Variants in EML6 observed in about 807,000 individuals in gnomAD.
EML6 encodes echinoderm microtubule-associated protein-like 6.
EML6 carries 154 observed loss-of-function variants against 240.1 expected under a neutral mutation model. The ratio of observed to expected loss-of-function variants is 0.64; its 90% confidence interval spans 0.56 to 0.73. The LOEUF (loss-of-function observed/expected upper bound fraction) is 0.73, where lower values mean the gene tolerates loss of function less well. Ranked by LOEUF, EML6 falls within the 30% of genes least tolerant of loss-of-function variation. The probability of loss-of-function intolerance (pLI) is 0.00; values close to 1 mark genes in which losing one functional copy is unlikely to be tolerated. For missense variants in EML6, 2,964 were observed against 2,474.6 expected, an observed-to-expected ratio of 1.20 and a Z score of -4.20; for synonymous variants, 1,148 against 899.0, an observed-to-expected ratio of 1.28 and a Z score of -4.95.
chr2:54,808,377 C>T (rs1670607649), intron 2 of EML6, among the ~76,000 whole-genome samples: 1 of 152,202 alleles, frequency 6.6e-6, no homozygotes, highest in Non-Finnish European at 1.5e-5. Flanking sequence ...ATCCCCAAAG[C>T]AGCAACCTCC....
chr2:54,961,184 G>GTTGTTTTGTTTTTTTTTTTTTTT, intron 35 of EML6, among the ~76,000 whole-genome samples: 1 of 55,424 alleles, frequency 1.8e-5, no homozygotes. Context: ...TCAGGAAGTA[G>GTTGTTTTGTTTTTTTTTTTTTTT]TTTTTTTTTT....
At chr2:54,968,385 T>G in intron 40 of EML6, 104 bp downstream of exon 40, 2 of 1,115,290 alleles carry the variant, frequency 1.8e-6, no homozygotes. Flanking sequence ...AGAGAAACCC[T>G]GTCCCGGTAC....
chr2:54,769,489 A>C (rs1424585501), intron 2 of EML6, among the ~76,000 whole-genome samples: 2 of 152,220 alleles, frequency 1.3e-5, no homozygotes, highest in Non-Finnish European at 2.9e-5. Flanking sequence ...CTACTGAAGC[A>C]TATACATTTA....
intron 25 of EML6, among the ~76,000 whole-genome samples, chr2:54,915,563 C>T (rs1673866365): frequency 6.6e-6 from 1 of 152,026 alleles, no homozygotes; most frequent in Non-Finnish European, 1.5e-5. Flanking sequence ...GCCCCCAAGT[C>T]ACAGGACCAG....
Position 54,820,391 on chromosome 2 carries a change from C to G in EML6, c.457-3C>G. ...ACATGGCAACTTTTAATGTTTTGAA[C>G]AGATTTTTGATATTTCCTGGGATCC... is the stretch of plus-strand genomic sequence containing the variant. On this transcript the variant is annotated splice_polypyrimidine_tract_variant and splice_region_variant and intron_variant, in intron 4 of 41. Transcript: ENST00000356458. 6.5e-7 allele frequency: 1 copy of G among 1,545,892 alleles called. No individual in the cohort carries two copies. The highest frequency in any genetic ancestry group is 8.7e-7 in the Non-Finnish European group (1 of 1,142,874).
At chr2:54,834,180 A>G (rs1216672438) in intron 7 of EML6, among the ~76,000 whole-genome samples, 1 of 152,146 alleles carries the variant, frequency 6.6e-6, no homozygotes, top group Non-Finnish European at 1.5e-5. Context: ...CCCTCACTTC[A>G]TGGATGGTAC....
At chr2:54,962,240 G>A (rs1676554127) in intron 35 of EML6, among the ~76,000 whole-genome samples, 1 of 151,636 alleles carries the variant, frequency 6.6e-6, no homozygotes, top group African/African-American at 2.4e-5. Context: ...TTTAACTGTG[G>A]CCAAATAGAC....
Position 54,859,606 on chromosome 2 carries a change from G to C in EML6, c.1730G>C (p.Trp577Ser). The C allele has an allele frequency of 6.4e-7, 1 of 1,551,362 alleles. No homozygotes were observed. The highest frequency in any genetic ancestry group is 1.2e-5 in the South Asian group (1 of 84,006). Reference protein sequence around the residue: ...TNVRWSHDFQWVLSTGGADHS... With the variant: ...TNVRWSHDFQSVLSTGGADHS... ...GTCCGCTGGTCCCATGACTTTCAGT[G>C]GGTGTTGAGCACAGGAGGGGCTGAT... The change falls in exon 12 of 42, where the codon TGG becomes TCG. Residue 577 changes from tryptophan (W) to serine (S), a missense_variant. Coordinates refer to ENST00000356458, the MANE Select transcript of EML6 (RefSeq NM_001039753.4).
At chr2:54,778,281 T>C (rs1668685622) in intron 2 of EML6, among the ~76,000 whole-genome samples, 1 of 152,228 alleles carries the variant, frequency 6.6e-6, no homozygotes, top group Admixed American at 6.5e-5. Context: ...TTAAAGCTTA[T>C]TAAATGTCGA....
intron 2 of EML6, among the ~76,000 whole-genome samples, chr2:54,782,879 C>G (rs548593651): frequency 1.3e-5 from 2 of 152,138 alleles, no homozygotes; most frequent in African/African-American, 4.8e-5. Flanking sequence ...GAAAACCAGG[C>G]GTCTCATTCG....
At chr2:54,811,551 C>G (rs113584744) in intron 2 of EML6, among the ~76,000 whole-genome samples, 239 of 152,156 alleles carry the variant, frequency 1.6e-3, no homozygotes, top group Middle Eastern at 0.014. Context: ...TCTCTTTCCT[C>G]TGAAAGTGGG....
At chr2:54,923,780 C>T (rs1036873015) in intron 26 of EML6, among the ~76,000 whole-genome samples, 1 of 152,274 alleles carries the variant, frequency 6.6e-6, no homozygotes, top group South Asian at 2.1e-4. Flanking sequence ...CCTCATACTC[C>T]TTCTGGGCCA....
intron 24 of EML6, among the ~76,000 whole-genome samples, chr2:54,907,955 AGAT>A (rs1558674222): frequency 2.8e-4 from 9 of 31,798 alleles, no homozygotes; most frequent in Non-Finnish European, 6.2e-4. Flanking sequence ...TAAGATAGAT[AGAT>A]AGATAGATAG....
intron 35 of EML6, among the ~76,000 whole-genome samples, chr2:54,961,189 T>TTTTTTTTTTTTTTTTTTTTTTTG (rs1558729617): frequency 9.3e-6 from 1 of 108,030 alleles, no homozygotes; most frequent in African/African-American, 3.8e-5. Flanking sequence ...AAGTAGTTTT[T>TTTTTTTTTTTTTTTTTTTTTTTG]TTTTTTTTTT....
At chr2:54,930,780 A>G (rs1409097207) in intron 28 of EML6, among the ~76,000 whole-genome samples, 1 of 152,010 alleles carries the variant, frequency 6.6e-6, no homozygotes, top group African/African-American at 2.4e-5. Flanking sequence ...GCATGCCGGG[A>G]GCAGAGTGGG....
chr2:54,953,538 G>C (rs1428396061), intron 31 of EML6, among the ~76,000 whole-genome samples: 1 of 152,060 alleles, frequency 6.6e-6, no homozygotes, highest in Non-Finnish European at 1.5e-5. Flanking sequence ...CTCTGGCCAG[G>C]TCAGGCTATA....
At chr2:54,793,445 C>G (rs1669575931) in intron 2 of EML6, among the ~76,000 whole-genome samples, 1 of 117,958 alleles carries the variant, frequency 8.5e-6, no homozygotes, top group Non-Finnish European at 1.7e-5. Context: ...ATCCCTGTTT[C>G]TAATAAAATG....
At chr2:54,887,934 C>T (rs1032776795) in intron 17 of EML6, among the ~76,000 whole-genome samples, 6 of 152,150 alleles carry the variant, frequency 3.9e-5, no homozygotes, top group South Asian at 2.1e-4. Flanking sequence ...ACCCGAAGTC[C>T]GCAGTTTATA....
Position 54,853,485 on chromosome 2 carries a change from G to T in EML6, c.1445-158G>T, listed in dbSNP as rs182091696. Among the ~76,000 whole-genome samples the T allele has an allele frequency of 5.6e-3, 847 of 151,902 alleles. 4 individuals are homozygous for T. Among genetic ancestry groups the T allele is most frequent in the South Asian group, 0.011 (55 of 4,806 alleles). Reference sequence around the variant, plus strand: ...AGTTTTGAGTGTGGGCTTTCTTTAAGCCACGCAAAAAAAGAAAAAATCGCA... The same window carrying T: ...AGTTTTGAGTGTGGGCTTTCTTTAATCCACGCAAAAAAAGAAAAAATCGCA... On this transcript the variant is annotated intron_variant, in intron 10 of 41. Transcript: ENST00000356458.
Sources: gnomAD v4.1 joint callset for allele counts (sites outside exome capture counted in the v4.1 genomes callset) on GRCh38, gnomAD v4.1.1 for gene constraint, MANE v1.5 for transcripts, NCBI Gene and HGNC (gene_info 2026-07-23, HGNC 2026-07-21) for gene names.